Variants in FLCN observed in about 807,000 individuals in gnomAD.
The protein encoded by FLCN is folliculin.
Under a neutral mutation model 62.5 loss-of-function variants are expected in FLCN, and 22 were observed. The observed-to-expected ratio is 0.35, with a 90% CI of 0.25 to 0.50. The LOEUF (loss-of-function observed/expected upper bound fraction) is 0.50, where lower values mean the gene tolerates loss of function less well. Ranked by LOEUF, FLCN falls within the 20% of genes least tolerant of loss-of-function variation. FLCN has a pLI of 0.97. For missense variants in FLCN, 657 were observed against 778.0 expected (o/e 0.84, Z 1.85); for synonymous variants, 319 against 310.0 (o/e 1.03, Z -0.30).
Position 17,216,517 on chromosome 17 carries a change from C to T in FLCN, c.1177-14G>A, listed in dbSNP as rs2144860746. 6.2e-7 allele frequency: 1 copy of T among 1,613,566 alleles called. No homozygotes were observed. Among genetic ancestry groups the T allele is most frequent in the Admixed American group, 1.7e-5 (1 of 59,996 alleles). ...GGGAAGCATGGTCTGAGGAGGACAG[C>T]AGGACTCAGACCAAGGACACGAGGA... is the stretch of plus-strand genomic sequence containing the variant. On this transcript the variant is annotated splice_polypyrimidine_tract_variant and intron_variant, in intron 10 of 13. Coordinates refer to ENST00000285071, the MANE Select transcript of FLCN (RefSeq NM_144997.7). The surrounding 1 kb of genome is among the most constrained non-coding windows in gnomAD (Gnocchi z 4.0).
At chr17:17,223,838 G>C (rs372035770) in intron 6 of FLCN, 84 bp downstream of exon 6, 17 of 1,377,428 alleles carry the variant, frequency 1.2e-5, no homozygotes, top group Non-Finnish European at 8.2e-6. Context: ...GACGCCACGC[G>C]GTCTCCAGGC....
chr17:17,232,895 G>A lies in FLCN; in HGVS notation c.-221C>T, dbSNP rs1167271937. ...GGTGGCAGACACCCTTGAAGACCTG[G>A]CGTTTTCTAGGTAAGAGAAAAAAAA... On this transcript the variant is annotated 5_prime_UTR_variant, in exon 2 of 14. Coordinates refer to ENST00000285071, the MANE Select transcript of FLCN (RefSeq NM_144997.7). 6.6e-6 allele frequency: 1 copy of A among 152,228 alleles called. No homozygotes were observed. Among genetic ancestry groups the A allele is most frequent in the Non-Finnish European group, 1.5e-5 (1 of 68,004 alleles). The allele number at this position is 152,228 out of a possible 1,614,324, so 9.4% of individuals were successfully genotyped here. A position where few individuals can be genotyped will look rare whatever the true frequency, so the allele number is the denominator to read the frequency against.
intron 11 of FLCN, 59 bp from the exon 12 acceptor site, chr17:17,215,375 G>C (rs34311146): frequency 6.2e-7 from 1 of 1,610,734 alleles, no homozygotes; most frequent in Non-Finnish European, 8.5e-7. Flanking sequence ...CCTCCCCTGC[G>C]CTAGCCCACC....
intron 9 of FLCN, among the ~76,000 whole-genome samples, chr17:17,218,059 C>T (rs2144881136): frequency 6.6e-6 from 1 of 152,324 alleles, no homozygotes; most frequent in Non-Finnish European, 1.5e-5. Flanking sequence ...ATCAGTCTCA[C>T]TCCATTTTCA....
At chr17:17,215,390 G>A (rs2046887731) in intron 11 of FLCN, 74 bp from the exon 12 acceptor site, 5 of 1,606,590 alleles carry the variant, frequency 3.1e-6, no homozygotes, top group South Asian at 1.1e-5. Context: ...CCCACCGTGG[G>A]CCCCACTCCG....
intron 5 of FLCN, chr17:17,225,708 C>T: frequency 3.8e-6 from 1 of 264,860 alleles, no homozygotes; most frequent in Non-Finnish European, 7.6e-6. Flanking sequence ...GAGACTCTGT[C>T]TTAACAACAA....
At chr17:17,237,217 G>C (rs565600037), upstream of FLCN, 12 of 152,238 alleles carry the variant, frequency 7.9e-5, no homozygotes, top group Non-Finnish European at 1.6e-4. Flanking sequence ...CCAACACTGC[G>C]GTGGGGGTGC....
intron 5 of FLCN, chr17:17,225,928 TAA>T: frequency 1.6e-6 from 1 of 635,474 alleles, no homozygotes; most frequent in Non-Finnish European, 2.9e-6. Context: ...GGACAAATAA[TAA>T]AAGTTCGGTG....
intron 5 of FLCN, 114 bp downstream of exon 5, chr17:17,226,062 C>T: frequency 6.8e-7 from 1 of 1,463,012 alleles, no homozygotes; most frequent in Non-Finnish European, 9.4e-7. Context: ...GCGGGTCCGC[C>T]CTGAGAGAGG....
In FLCN at chr17:17,223,919, C is replaced by A; in HGVS notation, c.618+3G>T. 1 of 1,613,246 alleles carries A rather than the reference C, an allele frequency of 6.2e-7. No individual in the cohort carries two copies. The highest frequency in any genetic ancestry group is 1.1e-5 in the South Asian group (1 of 91,058). ...CGCCCCGGCACCTCATCTCTGAATTCACCTTGAGCGCCTTGCCCTGGAGCT... is the reference window on the plus strand; with the variant it reads ...CGCCCCGGCACCTCATCTCTGAATTAACCTTGAGCGCCTTGCCCTGGAGCT... On this transcript the variant is annotated splice_donor_region_variant and intron_variant, in intron 6 of 13. Coordinates refer to ENST00000285071, the MANE Select transcript of FLCN (RefSeq NM_144997.7).
Position 17,213,620 on chromosome 17 carries a change from G to A in FLCN, c.*35C>T, listed in dbSNP as rs149134801. ...ACGGGGCTGGAGGATCCTGTGGACA[G>A]CCATCCCTGTCTTTAGGCAGGTGTG... is the stretch of plus-strand genomic sequence containing the variant. On this transcript the variant is annotated 3_prime_UTR_variant, in exon 14 of 14. Transcript: ENST00000285071. 5.6e-6 allele frequency: 9 copies of A among 1,613,010 alleles called. No individual in the cohort carries two copies. In the African/African-American group the frequency reaches 1.2e-4, roughly 21 times the overall value.
chr17:17,225,700 G>C (rs1050625794), intron 5 of FLCN: 7 of 239,610 alleles, frequency 2.9e-5, no homozygotes, highest in African/African-American at 4.5e-5. Context: ...AACCGAGTGA[G>C]ACTCTGTCTT....
At chr17:17,230,775 C>A (rs1351586576) in intron 3 of FLCN, among the ~76,000 whole-genome samples, 2 of 151,370 alleles carry the variant, frequency 1.3e-5, no homozygotes, top group African/African-American at 4.9e-5. Context: ...CGCTTGTAGT[C>A]CCAACTACTT....
In FLCN at chr17:17,228,079, A is replaced by T. The variant is rs1555611550; in HGVS notation, c.59T>A (p.Phe20Tyr). 4.3e-6 allele frequency: 7 copies of T among 1,613,614 alleles called. No individual in the cohort carries two copies. The highest frequency in any genetic ancestry group is 5.1e-6 in the Non-Finnish European group (6 of 1,180,036). The change falls in exon 4 of 14, where the codon TTC becomes TAC. Residue 20 changes from phenylalanine (F) to tyrosine (Y), a missense_variant. Physicochemically the swap from Phe to Tyr is conservative, Grantham distance 22. Coordinates refer to ENST00000285071, the MANE Select transcript of FLCN (RefSeq NM_144997.7). ...FCELHGPRTL[F>Y]CTEVLHAPLP... ...TGGGGCGTGCAGCACCTCCGTGCAG[A>T]AGAGAGTGCGGGGGCCGTGGAGCTC...
intron 13 of FLCN, among the ~76,000 whole-genome samples, chr17:17,214,716 T>C (rs570932263): frequency 6.6e-6 from 1 of 152,246 alleles, no homozygotes; most frequent in South Asian, 2.1e-4. Context: ...TGAACCCTCC[T>C]GTGAGCTTGG....
In FLCN at chr17:17,231,895, G is replaced by A. The variant is rs2047434199; in HGVS notation, c.-113-13C>T. 1 of 152,638 alleles carries A rather than the reference G, an allele frequency of 6.6e-6. No individual in the cohort carries two copies. Among genetic ancestry groups the A allele is most frequent in the African/African-American group, 2.4e-5 (1 of 41,470 alleles). 9.5% of individuals were successfully genotyped at this position (152,638 alleles called of 1,614,324 possible). On this transcript the variant is annotated splice_polypyrimidine_tract_variant and intron_variant, in intron 2 of 13. Transcript: ENST00000285071. The stretch of plus-strand genomic sequence containing the variant: ...ACGAGTGGTCACACTGGGAATGGCA[G>A]AGGCAGACAGAAAACAGACATTTGA...
At chr17:17,214,102 G>A (rs921917465) in intron 13 of FLCN, among the ~76,000 whole-genome samples, 1 of 151,984 alleles carries the variant, frequency 6.6e-6, no homozygotes, top group Non-Finnish European at 1.5e-5. Flanking sequence ...GGGCCTGTGC[G>A]CTTCCCACAC....
Position 17,215,086 on chromosome 17 carries a change from G to A in FLCN, c.1437C>T (p.Gly479=), listed in dbSNP as rs2144833945. The A allele has an allele frequency of 1.2e-6, 2 of 1,614,136 alleles. No homozygotes were observed. Among genetic ancestry groups the A allele is most frequent in the South Asian group, 1.1e-5 (1 of 91,074 alleles). ...CTTCAATCTTATTCAGGATGGTGGG[G>A]CCCACTGGGGAGAAGGGCAGGGGCA... is the stretch of plus-strand genomic sequence containing the variant. ...SGSPVAADRV[G]PTILNKIEAA... Residue 479 remains glycine, a synonymous_variant, in exon 13 of 14, where the codon GGC becomes GGT. Transcript: ENST00000285071.
At position 17,219,177 on chromosome 17, in the gene FLCN, A is replaced by G; in HGVS notation, c.904T>C (p.Ser302Pro). 6.2e-7 allele frequency: 1 copy of G among 1,614,170 alleles called. No homozygotes were observed. The highest frequency in any genetic ancestry group is 8.5e-7 in the Non-Finnish European group (1 of 1,180,034). ...LEEESESWDN[S>P]EAEEEEKAPV... ...GCTTTCTCCTCCTCTTCAGCCTCAG[A>G]GTTGTCCCAGCTTTCTGATTCCTCT... The change falls in exon 9 of 14, where the codon TCT becomes CCT. Residue 302 changes from serine (S) to proline (P), a missense_variant. Ser to Pro is a moderately conservative substitution (Grantham distance 74). Coordinates refer to ENST00000285071, the MANE Select transcript of FLCN (RefSeq NM_144997.7).
Sources: gnomAD v4.1 joint callset for allele counts (sites outside exome capture counted in the v4.1 genomes callset) on GRCh38, gnomAD v4.1.1 for gene constraint, Gnocchi (gnomAD v3.1) non-coding constraint, MANE v1.5 for transcripts, NCBI Gene and HGNC (gene_info 2026-07-23, HGNC 2026-07-21) for gene names.